The following LRRC4C variants were observed in gnomAD, a reference collection of about 807,000 sequenced individuals.
The protein encoded by LRRC4C is leucine rich repeat containing 4C.
A neutral mutation model predicts 33.6 loss-of-function variants in LRRC4C; 5 were observed. The observed-to-expected ratio is 0.15, with a 90% confidence interval of 0.08 to 0.31. The LOEUF is 0.31. Among genes scored for constraint, LRRC4C ranks in the 10% least tolerant of loss-of-function variants. The probability of loss-of-function intolerance (pLI) is 1.00; values close to 1 mark genes in which losing one functional copy is unlikely to be tolerated. For missense variants in LRRC4C, 560 were observed against 796.7 expected (o/e 0.70, Z 3.58); for synonymous variants, 329 against 302.0 (o/e 1.09, Z -0.93).
At chr11:41,053,887 A>G (rs867578992) in intron 1 of LRRC4C, among the ~76,000 whole-genome samples, 2 of 152,220 alleles carry the variant, frequency 1.3e-5, no homozygotes, top group Non-Finnish European at 2.9e-5. Context: ...AAATGATTTT[A>G]GCATGATAAT....
At chr11:41,349,084 G>C (rs558286538) in intron 1 of LRRC4C, among the ~76,000 whole-genome samples, 1 of 152,178 alleles carries the variant, frequency 6.6e-6, no homozygotes, top group African/African-American at 2.4e-5. Flanking sequence ...AGTCTGATCT[G>C]AGTACTATCC....
At chr11:41,423,077 G>A (rs1185052656) in intron 1 of LRRC4C, among the ~76,000 whole-genome samples, 1 of 152,142 alleles carries the variant, frequency 6.6e-6, no homozygotes, top group East Asian at 1.9e-4. Flanking sequence ...ACAACACAGT[G>A]TAATGATACC....
At position 41,451,322 on chromosome 11, in the gene LRRC4C, C is replaced by T. The variant is rs939802654; in HGVS notation, c.-496+8109G>A. On this transcript the variant is annotated intron_variant, in intron 1 of 6. Coordinates refer to ENST00000528697, the MANE Select transcript of LRRC4C (RefSeq NM_001258419.2). ...AATAGGAATAGGGTTATTTTAAAAACTAAACACCCCCACCCACATAGACAT... is the reference window on the plus strand; with the variant it reads ...AATAGGAATAGGGTTATTTTAAAAATTAAACACCCCCACCCACATAGACAT... 2.6e-5 allele frequency among the ~76,000 whole-genome samples: 4 copies of T among 151,978 alleles called. No homozygotes were observed. In the South Asian group the frequency reaches 8.3e-4, roughly 32 times the overall value.
At chr11:41,420,412 A>G (rs985950216) in intron 1 of LRRC4C, among the ~76,000 whole-genome samples, 1 of 152,056 alleles carries the variant, frequency 6.6e-6, no homozygotes, top group African/African-American at 2.4e-5. Flanking sequence ...AAGAAGGTCT[A>G]TGCCATTTTT....
At chr11:41,238,223 G>A (rs564985850) in intron 1 of LRRC4C, among the ~76,000 whole-genome samples, 1 of 152,162 alleles carries the variant, frequency 6.6e-6, no homozygotes, top group Non-Finnish European at 1.5e-5. Flanking sequence ...CTTTATTGCA[G>A]TATGGCTAGT....
intron 1 of LRRC4C, among the ~76,000 whole-genome samples, chr11:41,374,762 G>A (rs1952875436): frequency 6.6e-6 from 1 of 152,106 alleles, no homozygotes; most frequent in South Asian, 2.1e-4. Flanking sequence ...TTAAAATTAT[G>A]TAGGAAAATA....
intron 3 of LRRC4C, chr11:40,446,172 T>C (rs1044186524): frequency 2.0e-5 from 3 of 152,206 alleles, no homozygotes; most frequent in African/African-American, 7.2e-5. Flanking sequence ...GTGTCCATAA[T>C]ATTGCCTGCA....
At chr11:40,224,948 C>T (rs1474654568) in intron 5 of LRRC4C, among the ~76,000 whole-genome samples, 1 of 152,148 alleles carries the variant, frequency 6.6e-6, no homozygotes, top group Non-Finnish European at 1.5e-5. Context: ...GAAGTCAATC[C>T]CCTCTTCTTA....
At chr11:40,449,514 C>T (rs994493184) in intron 3 of LRRC4C, among the ~76,000 whole-genome samples, 2 of 152,044 alleles carry the variant, frequency 1.3e-5, no homozygotes, top group Non-Finnish European at 2.9e-5. Flanking sequence ...TTCATCAAAG[C>T]CCTTTATTTT....
chr11:40,559,153 G>A (rs951612076), intron 3 of LRRC4C, among the ~76,000 whole-genome samples: 7 of 148,848 alleles, frequency 4.7e-5, no homozygotes, highest in African/African-American at 1.7e-4. Flanking sequence ...TGTGAATAGT[G>A]CTGCAATGAA....
intron 3 of LRRC4C, among the ~76,000 whole-genome samples, chr11:40,377,663 C>A (rs2137313617): frequency 6.6e-6 from 1 of 152,068 alleles, no homozygotes; most frequent in East Asian, 1.9e-4. Flanking sequence ...ACTATTTTTT[C>A]TTCTAAGCAA....
chr11:40,288,437 C>T (rs887251712), intron 4 of LRRC4C, among the ~76,000 whole-genome samples: 1 of 152,152 alleles, frequency 6.6e-6, no homozygotes, highest in Non-Finnish European at 1.5e-5. Flanking sequence ...CCTAACTGTA[C>T]TATTATCATC....
chr11:40,872,528 G>A (rs77807799), intron 2 of LRRC4C, among the ~76,000 whole-genome samples: 2 of 151,774 alleles, frequency 1.3e-5, no homozygotes, highest in Admixed American at 1.3e-4. Flanking sequence ...AATAATTTTC[G>A]ACTCTATGTT....
At chr11:40,341,265 A>G (rs577679672) in intron 3 of LRRC4C, among the ~76,000 whole-genome samples, 1 of 152,222 alleles carries the variant, frequency 6.6e-6, no homozygotes, top group South Asian at 2.1e-4. Context: ...TCATTTTTTT[A>G]TGGCTGCATA....
intron 3 of LRRC4C, among the ~76,000 whole-genome samples, chr11:40,403,926 C>A (rs1252368832): frequency 6.6e-6 from 1 of 152,114 alleles, no homozygotes; most frequent in East Asian, 1.9e-4. Flanking sequence ...TTTCACTCCA[C>A]TGAATTCAGT....
intron 1 of LRRC4C, among the ~76,000 whole-genome samples, chr11:41,007,254 T>A (rs1854822465): frequency 6.6e-6 from 1 of 151,980 alleles, no homozygotes; most frequent in African/African-American, 2.4e-5. Context: ...AGGCAAAGGA[T>A]AAACAGGCAG....
intron 1 of LRRC4C, among the ~76,000 whole-genome samples, chr11:41,126,823 C>T (rs779915891): frequency 3.2e-4 from 49 of 152,102 alleles, no homozygotes; most frequent in Non-Finnish European, 4.6e-4. Context: ...ACGTGAGCAA[C>T]GCCGCTGTAG....
chr11:41,404,094 A>T (rs1350189659), intron 1 of LRRC4C, among the ~76,000 whole-genome samples: 1 of 152,150 alleles, frequency 6.6e-6, no homozygotes, highest in Non-Finnish European at 1.5e-5. Context: ...TGATGCCAAC[A>T]GTGGTACAAC....
intron 2 of LRRC4C, among the ~76,000 whole-genome samples, chr11:40,700,061 G>C (rs1382216244): frequency 6.6e-6 from 1 of 152,054 alleles, no homozygotes; most frequent in Admixed American, 6.6e-5. Flanking sequence ...ACATTCCCGG[G>C]TGAAGTTAAG....
Sources: gnomAD v4.1 joint callset for allele counts (sites outside exome capture counted in the v4.1 genomes callset) on GRCh38, gnomAD v4.1.1 for gene constraint, MANE v1.5 for transcripts, NCBI Gene and HGNC (gene_info 2026-07-23, HGNC 2026-07-21) for gene names.